TNFRSF1B: variants seen among roughly 807,000 people sequenced by gnomAD.
TNFRSF1B encodes the protein tumor necrosis factor receptor superfamily member 1B.
A neutral mutation model predicts 44.6 loss-of-function variants in TNFRSF1B; 19 were observed. The ratio of observed to expected loss-of-function variants is 0.43; its 90% CI spans 0.30 to 0.62. TNFRSF1B has a LOEUF of 0.62. TNFRSF1B is among the 20% of genes least tolerant of loss of function. TNFRSF1B has a pLI of 0.16. For missense variants in TNFRSF1B, 541 were observed against 619.9 expected (o/e 0.87, Z 1.35); for synonymous variants, 252 against 261.1 (o/e 0.97, Z 0.34).
intron 1 of TNFRSF1B, among the ~76,000 whole-genome samples, chr1:12,173,610 C>A (rs5745962): frequency 6.6e-6 from 1 of 152,180 alleles, no homozygotes; most frequent in Non-Finnish European, 1.5e-5. Flanking sequence ...TGTAGGCAGG[C>A]GCTGCAGAGC....
At chr1:12,191,136 C>T (rs752379237) in intron 3 of TNFRSF1B, 51 bp downstream of exon 3, 17 of 1,591,130 alleles carry the variant, frequency 1.1e-5, no homozygotes, top group Non-Finnish European at 1.3e-5. Context: ...CCTCCAACTT[C>T]CCCCGGCAAC....
chr1:12,178,887 GGGGGCTTA>G lies in TNFRSF1B; in HGVS notation c.79-9906_79-9899del, dbSNP rs1220990926. Reference sequence around the variant, plus strand: ...GGAGAGTCAGGCTTGATTGTAGGAAGGGGGCTTAGGTCCATCTGAAAGGGACAGAAGGC... The same window carrying G: ...GGAGAGTCAGGCTTGATTGTAGGAAGGGTCCATCTGAAAGGGACAGAAGGC... On this transcript the variant is annotated intron_variant, in intron 1 of 9. Transcript: ENST00000376259. The surrounding 1 kb of genome is among the most constrained non-coding windows in gnomAD (Gnocchi z 4.3). Among the ~76,000 whole-genome samples, 2 of 152,122 alleles carry G rather than the reference GGGGGCTTA, an allele frequency of 1.3e-5. No individual in the cohort carries two copies. The highest frequency in any genetic ancestry group is 2.9e-5 in the Non-Finnish European group (2 of 68,016).
intron 1 of TNFRSF1B, among the ~76,000 whole-genome samples, chr1:12,170,410 C>G (rs1394435596): frequency 6.6e-6 from 1 of 152,182 alleles, no homozygotes; most frequent in African/African-American, 2.4e-5. Flanking sequence ...CCCTGCCTGG[C>G]CTTTGTCACA....
intron 6 of TNFRSF1B, chr1:12,193,313 C>T (rs1257296514): frequency 1.5e-6 from 1 of 687,182 alleles, no homozygotes; most frequent in Non-Finnish European, 2.7e-6. Flanking sequence ...TGGCTCAAGC[C>T]TGTAATCCCA....
At position 12,193,086 on chromosome 1, in the gene TNFRSF1B, G is replaced by A. The variant is rs199974127; in HGVS notation, c.775G>A (p.Ala259Thr). Residue 259 changes from alanine to threonine, a missense_variant, in exon 6 of 10, where the codon GCT (alanine) becomes ACT (threonine). Physicochemically the swap from Ala to Thr is moderately conservative, Grantham distance 58. Transcript: ENST00000376259. ...AGCTGAAGGGAGCACTGGCGACTTC[G>A]CTCTTCCAGTTGGTAAGTCGCAAGA... ...PPAEGSTGDF[A>T]LPVGLIVGVT... The A allele has an allele frequency of 7.4e-5, 120 of 1,613,536 alleles. 1 individual carries two copies. Among genetic ancestry groups the A allele is most frequent in the Middle Eastern group, 3.3e-4 (2 of 6,058 alleles).
Position 12,202,095 on chromosome 1 carries a change from C to T in TNFRSF1B, c.1029C>T (p.Pro343=). 2 of 1,579,460 alleles carry T rather than the reference C, an allele frequency of 1.3e-6. No individual in the cohort carries two copies. Among genetic ancestry groups the T allele is most frequent in the South Asian group, 2.3e-5 (2 of 86,636 alleles). Residue 343 remains proline, a synonymous_variant, in exon 9 of 10, where the codon CCC becomes CCT. Transcript: ENST00000376259. ...SSASALDRRA[P]TRNQPQAPGV... ...CCAGTGCGTTGGACAGAAGGGCGCC[C>T]ACTCGGAACCAGCCACAGGCACCAG...
intron 5 of TNFRSF1B, among the ~76,000 whole-genome samples, 158 bp from the exon 6 acceptor site, chr1:12,192,705 G>A (rs1010277883): frequency 5.3e-5 from 8 of 151,610 alleles, no homozygotes; most frequent in African/African-American, 1.9e-4. Flanking sequence ...GACTGGGTGG[G>A]TGCATGGGGA....
chr1:12,181,306 C>T (rs543557445), intron 1 of TNFRSF1B, among the ~76,000 whole-genome samples: 18 of 152,304 alleles, frequency 1.2e-4, no homozygotes, highest in African/African-American at 4.3e-4. Context: ...TTCCCATGTT[C>T]TGTAACATGG....
intron 8 of TNFRSF1B, among the ~76,000 whole-genome samples, chr1:12,201,192 C>T (rs549157539): frequency 2.7e-5 from 4 of 145,788 alleles, no homozygotes; most frequent in South Asian, 4.3e-4. Context: ...CCTGGAAAAT[C>T]GAGGGCTATA....
At chr1:12,206,343 T>A (rs1488830617) in intron 9 of TNFRSF1B, among the ~76,000 whole-genome samples, 1 of 150,032 alleles carries the variant, frequency 6.7e-6, no homozygotes, top group Non-Finnish European at 1.5e-5. Context: ...CACAGCACTC[T>A]TTTGAGACCC....
intron 8 of TNFRSF1B, among the ~76,000 whole-genome samples, chr1:12,195,248 A>G (rs1639241290): frequency 6.6e-6 from 1 of 152,210 alleles, no homozygotes; most frequent in Non-Finnish European, 1.5e-5. Context: ...ATATCATAGT[A>G]TTTCATTCAT....
Position 12,188,908 on chromosome 1 carries a change from A to C in TNFRSF1B, c.178+13A>C, listed in dbSNP as rs945438. On this transcript the variant is annotated intron_variant, in intron 2 of 9. Transcript: ENST00000376259. ...AAATGCTCGCCGGGTGAGGGCAGCC[A>C]CGGGGGCACTCGGGGCCCATGCCCT... is the stretch of plus-strand genomic sequence containing the variant. 24 of 1,610,576 alleles carry C rather than the reference A, an allele frequency of 1.5e-5. No homozygotes were observed. The highest frequency in any genetic ancestry group is 2.0e-5 in the Non-Finnish European group (23 of 1,178,762).
Position 12,177,972 on chromosome 1 carries a change from C to T in TNFRSF1B, c.78+10803C>T, listed in dbSNP as rs1313178435. Among the ~76,000 whole-genome samples, 5 of 152,148 alleles carry T rather than the reference C, an allele frequency of 3.3e-5. No individual in the cohort carries two copies. Among genetic ancestry groups the T allele is most frequent in the Non-Finnish European group, 5.9e-5 (4 of 68,032 alleles). On this transcript the variant is annotated intron_variant, in intron 1 of 9. Transcript: ENST00000376259. This position sits in a 1 kb window ranked among gnomAD's most constrained non-coding sequence, Gnocchi z 4.3. ...TGAAGCACAGAGATTAACTGACGTACTTAGGGTTTTGCAGCTCACTAGAGG... is the reference window on the plus strand; with the variant it reads ...TGAAGCACAGAGATTAACTGACGTATTTAGGGTTTTGCAGCTCACTAGAGG...
Position 12,206,774 on chromosome 1 carries a change from T to C in TNFRSF1B, c.1140T>C (p.Asn380=). 6.2e-7 allele frequency: 1 copy of C among 1,607,166 alleles called. No homozygotes were observed. Among genetic ancestry groups the C allele is most frequent in the Non-Finnish European group, 8.5e-7 (1 of 1,175,096 alleles). Residue 380 remains asparagine (N), a synonymous_variant, in exon 10 of 10, where the codon AAT becomes AAC. Transcript: ENST00000376259. ...CTGGTGGCCATGGGACCCAGGTCAA[T>C]GTCACCTGCATCGTGAACGTCTGTA... The part of the protein sequence containing the change: ...SSPGGHGTQV[N]VTCIVNVCSS...
At position 12,192,467 on chromosome 1, in the gene TNFRSF1B, C is replaced by T. The variant is rs1639167025; in HGVS notation, c.494C>T (p.Ala165Val). The T allele has an allele frequency of 1.2e-6, 2 of 1,614,140 alleles. No homozygotes were observed. The highest frequency in any genetic ancestry group is 1.7e-6 in the Non-Finnish European group (2 of 1,180,008). Reference sequence around the variant, plus strand: ...TCAGACGTGGTGTGCAAGCCCTGTGCCCCGGGGACGTTCTCCAACACGACT... The same window carrying T: ...TCAGACGTGGTGTGCAAGCCCTGTGTCCCGGGGACGTTCTCCAACACGACT... ...ETSDVVCKPC[A>V]PGTFSNTTSS... The change falls in exon 5 of 10, where the codon GCC becomes GTC. Residue 165 changes from alanine (A) to valine (V), a missense_variant. By Grantham distance (64) the Ala-to-Val change is moderately conservative. Coordinates refer to ENST00000376259, the MANE Select transcript of TNFRSF1B (RefSeq NM_001066.3).
chr1:12,192,504 T>C lies in TNFRSF1B; in HGVS notation c.531T>C (p.Asp177=). ...GTFSNTTSST[D]ICRPHQICNV... is the part of the protein sequence containing the mutation. Reference sequence around the variant, plus strand: ...TCTCCAACACGACTTCATCCACGGATATTTGCAGGCCCCACCAGATGTGAG... The same window carrying C: ...TCTCCAACACGACTTCATCCACGGACATTTGCAGGCCCCACCAGATGTGAG... The change falls in exon 5 of 10, where the codon GAT becomes GAC. Residue 177 remains aspartate, a synonymous_variant. Transcript: ENST00000376259. The C allele has an allele frequency of 6.2e-7, 1 of 1,614,052 alleles. No homozygotes were observed. Among genetic ancestry groups the C allele is most frequent in the Non-Finnish European group, 8.5e-7 (1 of 1,179,982 alleles).
chr1:12,192,390 G>A, intron 4 of TNFRSF1B, 41 bp from the exon 5 acceptor site: 1 of 1,602,378 alleles, frequency 6.2e-7, no homozygotes, highest in Non-Finnish European at 8.5e-7. Flanking sequence ...CTGTCCCGCA[G>A]AGTGTCTGAG....
intron 8 of TNFRSF1B, among the ~76,000 whole-genome samples, chr1:12,198,988 C>G (rs888352727): frequency 6.6e-6 from 1 of 152,222 alleles, no homozygotes; most frequent in South Asian, 2.1e-4. Context: ...CCACTGCGCC[C>G]GGCCCTGGGA....
intron 1 of TNFRSF1B, among the ~76,000 whole-genome samples, chr1:12,179,586 C>T (rs1490803351): frequency 6.6e-6 from 1 of 152,186 alleles, no homozygotes; most frequent in African/African-American, 2.4e-5. Context: ...ACCCTTTTGC[C>T]TGGGAGAGTC....
Sources: gnomAD v4.1 joint callset for allele counts (sites outside exome capture counted in the v4.1 genomes callset) on GRCh38, gnomAD v4.1.1 for gene constraint, Gnocchi (gnomAD v3.1) non-coding constraint, MANE v1.5 for transcripts, NCBI Gene and HGNC (gene_info 2026-07-23, HGNC 2026-07-21) for gene names.